ZFP14: variants seen among roughly 807,000 people sequenced by gnomAD.
ZFP14 encodes the protein zinc finger protein 14 homolog.
In ZFP14, 22 loss-of-function variants were observed where a neutral mutation model predicts 54.5. That is an observed-to-expected ratio of 0.40 (90% CI 0.29 to 0.58). The LOEUF is 0.58. Ranked by LOEUF, ZFP14 falls within the 20% of genes least tolerant of loss-of-function variation. ZFP14 has a pLI of 0.39. For missense variants in ZFP14, 470 were observed against 637.8 expected, an observed-to-expected ratio of 0.74 and a Z score of 2.83; for synonymous variants, 159 against 204.0, an observed-to-expected ratio of 0.78 and a Z score of 1.88.
intron 1 of ZFP14, among the ~76,000 whole-genome samples, chr19:36,370,518 C>T (rs1257577757): frequency 6.6e-6 from 1 of 152,262 alleles, no homozygotes; most frequent in African/African-American, 2.4e-5. Flanking sequence ...TGGGCTCCAA[C>T]AGCCCTTAGC....
chr19:36,342,321 C>T (rs1340976478), intron 4 of ZFP14, among the ~76,000 whole-genome samples: 1 of 151,524 alleles, frequency 6.6e-6, no homozygotes, highest in Non-Finnish European at 1.5e-5. Flanking sequence ...GCTGGGATTA[C>T]AGGCACACAC....
In ZFP14 at chr19:36,334,783, TAAATTTGAGATACACTCAGTTAAATAA is replaced by T. The variant is rs1379563294; in HGVS notation, c.*5414_*5440del. On this transcript the variant is annotated 3_prime_UTR_variant, in exon 5 of 5. Coordinates refer to ENST00000270001, the MANE Select transcript of ZFP14 (RefSeq NM_020917.3). ...GATATTCGGACTGAGAATTCCACAA[TAAATTTGAGATACACTCAGTTAAATAA>T]AAATGTCTTTACTAAATCTTTGGCA... 2.0e-5 allele frequency: 3 copies of T among 152,240 alleles called. No individual in the cohort carries two copies. Among genetic ancestry groups the T allele is most frequent in the Non-Finnish European group, 2.9e-5 (2 of 68,038 alleles). 9.4% of individuals were successfully genotyped at this position (152,240 alleles called of 1,614,324 possible).
chr19:36,359,955 T>G (rs751961216), intron 4 of ZFP14, among the ~76,000 whole-genome samples: 6 of 152,120 alleles, frequency 3.9e-5, no homozygotes, highest in Admixed American at 6.6e-5. Context: ...ACGCCCAGCC[T>G]CTTATTATTC....
intron 4 of ZFP14, among the ~76,000 whole-genome samples, chr19:36,358,204 G>A (rs775719666): frequency 6.0e-5 from 9 of 151,124 alleles, no homozygotes; most frequent in East Asian, 2.0e-4. Context: ...TCCGCCTCCC[G>A]GGTTCAACCA....
At chr19:36,360,633 T>C in intron 3 of ZFP14, 100 bp from the exon 4 acceptor site, 1 of 1,080,832 alleles carries the variant, frequency 9.3e-7, no homozygotes, top group Non-Finnish European at 1.3e-6. Context: ...TATGGCACTT[T>C]ATAAAGCCTA....
intron 4 of ZFP14, among the ~76,000 whole-genome samples, chr19:36,347,643 T>C (rs1289242952): frequency 1.4e-5 from 2 of 145,642 alleles, no homozygotes; most frequent in Non-Finnish European, 3.0e-5. Context: ...AAAGAAAAAG[T>C]AATCAAAGAC....
chr19:36,369,382 C>A (rs1192365134), intron 1 of ZFP14, among the ~76,000 whole-genome samples: 1 of 151,964 alleles, frequency 6.6e-6, no homozygotes, highest in Admixed American at 6.6e-5. Flanking sequence ...ACTAAAAAGC[C>A]CGTTTCTTTT....
chr19:36,375,574 T>C (rs1273135778), intron 1 of ZFP14, among the ~76,000 whole-genome samples: 1 of 149,396 alleles, frequency 6.7e-6, no homozygotes, highest in Non-Finnish European at 1.5e-5. Context: ...TTTCTTTTTT[T>C]TTTTTTTTTG....
chr19:36,367,997 A>G (rs1252121289), intron 1 of ZFP14, 26 bp from the exon 2 acceptor site: 1 of 1,367,364 alleles, frequency 7.3e-7, no homozygotes, highest in African/African-American at 1.5e-5. Context: ...GAAACCATGA[A>G]ATAAGCTGCG....
At chr19:36,376,842 G>A (rs2031969807) in intron 1 of ZFP14, among the ~76,000 whole-genome samples, 1 of 152,142 alleles carries the variant, frequency 6.6e-6, no homozygotes, top group Admixed American at 6.5e-5. Context: ...TGATGAAACT[G>A]TGGCACAAAG....
rs73928607 is a variant in ZFP14, at chr19:36,368,082, T to C, written c.-79-111A>G. 437 of 574,088 alleles carry C rather than the reference T, an allele frequency of 7.6e-4. 2 individuals carry two copies. The highest frequency in any genetic ancestry group is 7.6e-3 in the African/African-American group (405 of 53,402). The allele number at this position is 574,088 out of a possible 1,614,324, so 35.6% of individuals were successfully genotyped here. A position where few individuals can be genotyped will look rare whatever the true frequency, so the allele number is the denominator to read the frequency against. ...TCTTCCATTCCTTCTCCCAAACTAC[T>C]TCCATTGGCTTTTCCAAAGTACCAC... On this transcript the variant is annotated intron_variant, in intron 1 of 4. Transcript: ENST00000270001.
At chr19:36,360,655 T>G (rs534385475) in intron 3 of ZFP14, 122 bp from the exon 4 acceptor site, 1 of 813,700 alleles carries the variant, frequency 1.2e-6, no homozygotes, top group South Asian at 2.3e-5. Flanking sequence ...GAGCGAAGAA[T>G]TGCAAGGGAG....
intron 1 of ZFP14, among the ~76,000 whole-genome samples, chr19:36,373,883 G>C (rs1226346637): frequency 8.2e-6 from 1 of 122,050 alleles, no homozygotes; most frequent in Non-Finnish European, 1.6e-5. Flanking sequence ...CTGCACTCAA[G>C]CCTGGGCAAC....
chr19:36,375,378 G>A (rs975936991), intron 1 of ZFP14, among the ~76,000 whole-genome samples: 19 of 146,276 alleles, frequency 1.3e-4, no homozygotes, highest in African/African-American at 4.4e-4. Context: ...AATAAAGCAG[G>A]AAGGAATTTT....
chr19:36,362,388 G>A (rs1262158455), intron 2 of ZFP14, 150 bp from the exon 3 acceptor site: 1 of 717,852 alleles, frequency 1.4e-6, no homozygotes, highest in Non-Finnish European at 2.2e-6. Flanking sequence ...GTAGGGGCCA[G>A]TAAGAAAATT....
chr19:36,339,966 T>C lies in ZFP14; in HGVS notation c.*258A>G, dbSNP rs2031279296. ...GAAGCTTAGTATCTTGTCCAATAAA[T>C]CAAACTGGTAATCAAGTGGAGAAAG... On this transcript the variant is annotated 3_prime_UTR_variant, in exon 5 of 5. Transcript: ENST00000270001. 2.9e-6 allele frequency: 1 copy of C among 340,138 alleles called. No homozygotes were observed. The highest frequency in any genetic ancestry group is 2.1e-5 in the African/African-American group (1 of 47,066). 21.1% of individuals were successfully genotyped at this position (340,138 alleles called of 1,614,324 possible).
intron 1 of ZFP14, among the ~76,000 whole-genome samples, chr19:36,372,701 T>C (rs2031898137): frequency 1.3e-5 from 2 of 152,224 alleles, no homozygotes; most frequent in African/African-American, 4.8e-5. Flanking sequence ...CACTACTGTA[T>C]ATATCCAAAG....
In ZFP14 at chr19:36,340,826, G is replaced by C; in HGVS notation, c.1000C>G (p.His334Asp). The change falls in exon 5 of 5, where the codon CAT becomes GAT. Residue 334 changes from histidine to aspartate, a missense_variant. By Grantham distance (81) the His-to-Asp change is moderately conservative. Transcript: ENST00000270001. The surrounding 1 kb of genome is among the most constrained non-coding windows in gnomAD (Gnocchi z 5.4). Reference protein sequence around the residue: ...GPDLRVHQKIHFGEKPYECKE... With the variant: ...GPDLRVHQKIDFGEKPYECKE... ...CATTCATAGGGTTTCTCACCAAAAT[G>C]AATTTTCTGATGTACTCTAAGGTCT... 1.2e-6 allele frequency: 2 copies of C among 1,614,000 alleles called. No homozygotes were observed. Among genetic ancestry groups the C allele is most frequent in the Non-Finnish European group, 1.7e-6 (2 of 1,180,022 alleles).
intron 3 of ZFP14, among the ~76,000 whole-genome samples, chr19:36,361,700 A>G (rs1442330238): frequency 2.0e-5 from 3 of 152,208 alleles, no homozygotes; most frequent in East Asian, 3.9e-4. Flanking sequence ...ATGCCCGGCT[A>G]TGAGTTTTAA....
Sources: gnomAD v4.1 joint callset for allele counts (sites outside exome capture counted in the v4.1 genomes callset) on GRCh38, gnomAD v4.1.1 for gene constraint, Gnocchi (gnomAD v3.1) non-coding constraint, MANE v1.5 for transcripts, NCBI Gene and HGNC (gene_info 2026-07-23, HGNC 2026-07-21) for gene names.